The following DGKG variants were observed in gnomAD, a reference collection of about 807,000 sequenced individuals.
DGKG encodes the protein diacylglycerol kinase gamma, also known as DAG kinase gamma.
A neutral mutation model predicts 105.3 loss-of-function variants in DGKG; 78 were observed. The ratio of observed to expected loss-of-function variants is 0.74; its 90% CI spans 0.62 to 0.89. The LOEUF (loss-of-function observed/expected upper bound fraction) is 0.89, where lower values mean the gene tolerates loss of function less well. DGKG is among the 40% of genes least tolerant of loss of function. DGKG has a pLI of 0.00. For synonymous variants in DGKG, 346 were observed against 367.1 expected (o/e 0.94, Z 0.66); for missense variants, 958 against 1,020.1 (o/e 0.94, Z 0.83).
In DGKG at chr3:186,267,711, G is replaced by A. The variant is rs372010850; in HGVS notation, c.1183C>T (p.Pro395Ser). Reference sequence around the variant, plus strand: ...CGGGTGATGGGGCATATGGAGGTGGGCAGTAAGATGTGGTCTCTGAGTTCC... The same window carrying A: ...CGGGTGATGGGGCATATGGAGGTGGACAGTAAGATGTGGTCTCTGAGTTCC... The part of the protein sequence containing the change: ...GGELRDHILL[P>S]TSICPITRDR... The change falls in exon 13 of 25, where the codon CCC (proline) becomes TCC (serine). Residue 395 changes from proline (P) to serine (S), a missense_variant. This residue lies in a region of DGKG where 643 missense variants were observed against 619.5 expected (regional missense o/e 1.04). Coordinates refer to ENST00000265022, the MANE Select transcript of DGKG (RefSeq NM_001346.3). 1.5e-5 allele frequency: 24 copies of A among 1,613,942 alleles called. No homozygotes were observed. The highest frequency in any genetic ancestry group is 7.6e-6 in the Non-Finnish European group (9 of 1,179,950).
intron 1 of DGKG, among the ~76,000 whole-genome samples, chr3:186,356,227 T>G (rs2108679437): frequency 6.6e-6 from 1 of 152,332 alleles, no homozygotes; most frequent in Admixed American, 6.5e-5. Flanking sequence ...TTCATTATTT[T>G]TATTGATGAC....
chr3:186,282,728 C>T (rs988666460), intron 7 of DGKG, among the ~76,000 whole-genome samples: 4 of 152,024 alleles, frequency 2.6e-5, no homozygotes, highest in African/African-American at 9.7e-5. Flanking sequence ...GTTGGCTAGG[C>T]TGGTCTCAAA....
chr3:186,262,618 C>G (rs1401061522), intron 14 of DGKG, among the ~76,000 whole-genome samples: 1 of 152,190 alleles, frequency 6.6e-6, no homozygotes, highest in Non-Finnish European at 1.5e-5. Context: ...ATGTAAATTT[C>G]CTAACCTGGC....
At chr3:186,175,802 G>A (rs190498909) in intron 22 of DGKG, among the ~76,000 whole-genome samples, 19 of 152,274 alleles carry the variant, frequency 1.2e-4, no homozygotes, top group South Asian at 1.0e-3. Flanking sequence ...AGAGTTAACC[G>A]ACAGCTTACA....
chr3:186,158,757 C>T (rs1292231903), intron 24 of DGKG: 1 of 958,382 alleles, frequency 1.0e-6, no homozygotes, highest in Non-Finnish European at 1.2e-6. Context: ...AACCTTTTCT[C>T]AGAATATGTA....
At chr3:186,204,779 GT>G (rs1268107652) in intron 21 of DGKG, among the ~76,000 whole-genome samples, 1 of 152,130 alleles carries the variant, frequency 6.6e-6, no homozygotes, top group Non-Finnish European at 1.5e-5. Flanking sequence ...CTAGATCGAT[GT>G]TGAGAAGAAC....
At chr3:186,304,518 A>G (rs1437158187) in intron 3 of DGKG, among the ~76,000 whole-genome samples, 1 of 152,224 alleles carries the variant, frequency 6.6e-6, no homozygotes, top group Admixed American at 6.5e-5. Flanking sequence ...AACGTGAATA[A>G]GAAAGTGGCC....
intron 1 of DGKG, among the ~76,000 whole-genome samples, chr3:186,352,710 T>A (rs761150789): frequency 6.6e-6 from 1 of 152,194 alleles, no homozygotes; most frequent in Non-Finnish European, 1.5e-5. Flanking sequence ...TCTTTCCTGG[T>A]TCTGTCCCTG....
chr3:186,297,066 T>TCACACACACACACACACACA (rs1352673652), intron 5 of DGKG, among the ~76,000 whole-genome samples: 113 of 123,728 alleles, frequency 9.1e-4, no homozygotes, highest in Admixed American at 1.9e-3. Flanking sequence ...TGTCTGTCTC[T>TCACACACACACACACACACA]CTCACACACA....
intron 1 of DGKG, among the ~76,000 whole-genome samples, chr3:186,332,434 A>G (rs1725646518): frequency 6.6e-6 from 1 of 152,136 alleles, no homozygotes; most frequent in African/African-American, 2.4e-5. Context: ...TCTGAACTCC[A>G]GTGCTGAGGG....
chr3:186,361,151 C>CT lies in DGKG; in HGVS notation c.-249+794dup, dbSNP rs1294192321. ...TCTAGCTCTAGTCCCAAGCTTTCCACTGCAGTGATGGTGGGGATGGGGGCA... is the reference window on the plus strand; with the variant it reads ...TCTAGCTCTAGTCCCAAGCTTTCCACTTGCAGTGATGGTGGGGATGGGGGCA... On this transcript the variant is annotated intron_variant, in intron 1 of 24. Coordinates refer to ENST00000265022, the MANE Select transcript of DGKG (RefSeq NM_001346.3). This position sits in a 1 kb window ranked among gnomAD's most constrained non-coding sequence, Gnocchi z 6.8. 6.6e-6 allele frequency among the ~76,000 whole-genome samples: 1 copy of CT among 152,230 alleles called. No homozygotes were observed. The highest frequency in any genetic ancestry group is 1.9e-4 in the East Asian group (1 of 5,196).
At chr3:186,275,876 C>T (rs1419689905) in intron 9 of DGKG, among the ~76,000 whole-genome samples, 1 of 152,164 alleles carries the variant, frequency 6.6e-6, no homozygotes, top group East Asian at 1.9e-4. Context: ...TGAATGGAAG[C>T]ATGTGTGTGT....
chr3:186,330,017 A>G (rs555065683), intron 1 of DGKG, among the ~76,000 whole-genome samples: 1 of 152,290 alleles, frequency 6.6e-6, no homozygotes, highest in South Asian at 2.1e-4. Flanking sequence ...TCAACCTTTT[A>G]TTGACCAAGA....
At chr3:186,308,570 G>T (rs1286801608) in intron 2 of DGKG, among the ~76,000 whole-genome samples, 1 of 152,142 alleles carries the variant, frequency 6.6e-6, no homozygotes, top group African/African-American at 2.4e-5. Flanking sequence ...CCATGGCTTT[G>T]CTGACTTGGA....
At chr3:186,178,846 C>T (rs1236819141) in intron 22 of DGKG, among the ~76,000 whole-genome samples, 3 of 152,166 alleles carry the variant, frequency 2.0e-5, no homozygotes, top group African/African-American at 4.8e-5. Context: ...AAGAATTGTA[C>T]GTTTGGAATA....
intron 6 of DGKG, among the ~76,000 whole-genome samples, chr3:186,286,108 G>C (rs1723057957): frequency 6.6e-6 from 1 of 152,124 alleles, no homozygotes; most frequent in Non-Finnish European, 1.5e-5. Flanking sequence ...AGTTGTCCTT[G>C]TGTCATCATT....
At chr3:186,188,508 C>G (rs1354067189) in intron 21 of DGKG, 129 bp from the exon 22 acceptor site, 1 of 892,972 alleles carries the variant, frequency 1.1e-6, no homozygotes, top group Non-Finnish European at 1.7e-6. Flanking sequence ...TCAGCCACCA[C>G]CCTGCCACTG....
chr3:186,217,357 A>G (rs558965748), intron 20 of DGKG, among the ~76,000 whole-genome samples: 1 of 152,170 alleles, frequency 6.6e-6, no homozygotes, highest in East Asian at 1.9e-4. Flanking sequence ...AGTTCCATGA[A>G]ACTCCTAGGT....
Position 186,148,677 on chromosome 3 carries a change from G to A in DGKG, c.*1413C>T, listed in dbSNP as rs1715609322. The A allele has an allele frequency of 1.0e-6, 1 of 984,786 alleles. No homozygotes were observed. Among genetic ancestry groups the A allele is most frequent in the Non-Finnish European group, 1.2e-6 (1 of 829,408 alleles). 61.0% of individuals were successfully genotyped at this position (984,786 alleles called of 1,614,324 possible). ...CATGGAAAAGTCTCTGAACTTTTCT[G>A]AGACTCAATTTTCTTATCTGACAAA... On this transcript the variant is annotated 3_prime_UTR_variant, in exon 25 of 25. Coordinates refer to ENST00000265022, the MANE Select transcript of DGKG (RefSeq NM_001346.3).
Sources: allele counts gnomAD v4.1 joint callset (sites outside exome capture counted in the v4.1 genomes callset), GRCh38; gene constraint gnomAD v4.1.1; regional missense constraint gnomAD v4.1.1; non-coding constraint Gnocchi (gnomAD v3.1); transcripts MANE v1.5; gene names NCBI Gene and HGNC (gene_info 2026-07-23, HGNC 2026-07-21).